Variants in INSL6 observed in about 807,000 individuals in gnomAD.
The protein encoded by INSL6 is insulin like 6.
In INSL6, 16 loss-of-function variants were observed where a neutral mutation model predicts 9.4. The observed-to-expected ratio is 1.70, with a 90% CI of 1.15 to 2.59. The LOEUF is 2.59. INSL6 is among the 30% of genes most tolerant of loss of function. INSL6 has a pLI of 0.00. For missense variants in INSL6, 391 were observed against 257.3 expected (o/e 1.52, Z -3.56); for synonymous variants, 154 against 96.9 (o/e 1.59, Z -3.46).
At chr9:5,064,618 A>G in the INSL6 span, among the ~76,000 whole-genome samples, 4 of 152,250 alleles carry the variant, frequency 2.6e-5, no homozygotes, top group African/African-American at 4.8e-5. Context: ...GATAACTGGT[A>G]TATTAGTCTA....
At chr9:5,153,428 G>C (rs1453337716) in intron 2 of INSL6, among the ~76,000 whole-genome samples, 1 of 152,224 alleles carries the variant, frequency 6.6e-6, no homozygotes, top group Non-Finnish European at 1.5e-5. Context: ...CCACTGGGAA[G>C]TTTGAACAGG....
chr9:5,068,562 G>T, the INSL6 span, among the ~76,000 whole-genome samples: 1 of 152,272 alleles, frequency 6.6e-6, no homozygotes, highest in East Asian at 1.9e-4. Context: ...AAGATAGCAT[G>T]AAGAATTATC....
chr9:5,164,870 C>A (rs540137240), intron 1 of INSL6, among the ~76,000 whole-genome samples: 1 of 152,270 alleles, frequency 6.6e-6, no homozygotes, highest in Non-Finnish European at 1.5e-5. Flanking sequence ...ATCCATTTAT[C>A]AATTGATGGA....
intron 2 of INSL6, among the ~76,000 whole-genome samples, chr9:5,158,307 C>T (rs1824859534): frequency 6.6e-6 from 1 of 152,056 alleles, no homozygotes; most frequent in Non-Finnish European, 1.5e-5. Context: ...ACTTCCCAAA[C>T]CTATAGAAAG....
chr9:5,086,565 C>A, the INSL6 span, among the ~76,000 whole-genome samples: 1 of 152,112 alleles, frequency 6.6e-6, no homozygotes, highest in Non-Finnish European at 1.5e-5. Flanking sequence ...TTACCTCCTG[C>A]CATTATTTTG....
At chr9:5,048,931 T>C in the INSL6 span, among the ~76,000 whole-genome samples, 1 of 152,146 alleles carries the variant, frequency 6.6e-6, no homozygotes, top group Non-Finnish European at 1.5e-5. Flanking sequence ...AAAATTGGTA[T>C]TATGTTTAGA....
At chr9:5,076,675 G>A in the INSL6 span, among the ~76,000 whole-genome samples, 1 of 152,092 alleles carries the variant, frequency 6.6e-6, no homozygotes, top group African/African-American at 2.4e-5. Context: ...TTCGAGGTAT[G>A]CCTTTATTTT....
In INSL6 at chr9:5,170,665, C is replaced by G. The variant is rs1475670316; in HGVS notation, c.290-6400G>C. On this transcript the variant is annotated intron_variant, in intron 1 of 1. Coordinates refer to ENST00000381641, the MANE Select transcript of INSL6 (RefSeq NM_007179.3). ...AAAAAGGATAAAGGGGATATCACCACTGACCCCACAGAAATACAAACAACC... is the reference window on the plus strand; with the variant it reads ...AAAAAGGATAAAGGGGATATCACCAGTGACCCCACAGAAATACAAACAACC... Among the ~76,000 whole-genome samples, 4 of 151,690 alleles carry G rather than the reference C, an allele frequency of 2.6e-5. No individual in the cohort carries two copies. The East Asian group carries it at 7.7e-4, about 29-fold the overall frequency.
chr9:5,092,646 A>G, the INSL6 span, among the ~76,000 whole-genome samples: 2 of 152,216 alleles, frequency 1.3e-5, no homozygotes, highest in East Asian at 1.9e-4. Context: ...TACCTTCTGC[A>G]TAAAGTATTA....
the INSL6 span, chr9:5,069,956 T>C: frequency 5.6e-6 from 9 of 1,604,884 alleles, 1 homozygote; most frequent in Admixed American, 1.2e-4. Flanking sequence ...TCAGAACGAA[T>C]GGTGTTTCTG....
the INSL6 span, chr9:5,066,727 CTG>C: frequency 1.9e-6 from 3 of 1,608,424 alleles, no homozygotes; most frequent in Non-Finnish European, 2.5e-6. Flanking sequence ...TCAGACTGGA[CTG>C]TATGTACTTC....
the INSL6 span, chr9:5,054,668 C>G: frequency 6.2e-7 from 1 of 1,613,292 alleles, no homozygotes; most frequent in Non-Finnish European, 8.5e-7. The surrounding 1 kb of genome is among the most constrained non-coding windows in gnomAD (Gnocchi z 4.9). Flanking sequence ...TTCAGCAATT[C>G]AGCCAATGCA....
At chr9:5,168,138 G>A (rs922542463) in intron 1 of INSL6, among the ~76,000 whole-genome samples, 3 of 152,194 alleles carry the variant, frequency 2.0e-5, no homozygotes, top group African/African-American at 4.8e-5. Context: ...GTGCAAAAAC[G>A]TTGGGAACTC....
the INSL6 span, among the ~76,000 whole-genome samples, chr9:5,060,947 T>C: frequency 1.3e-5 from 2 of 152,208 alleles, no homozygotes; most frequent in Non-Finnish European, 2.9e-5. Context: ...TGTCACCAGG[T>C]CTGAAAATAA....
intron 1 of INSL6, among the ~76,000 whole-genome samples, chr9:5,175,278 T>C (rs545648927): frequency 3.0e-4 from 46 of 152,226 alleles, no homozygotes; most frequent in Non-Finnish European, 6.2e-4. Context: ...ATATCTCACA[T>C]CAAATATGGC....
intron 2 of INSL6, among the ~76,000 whole-genome samples, chr9:5,150,190 A>C (rs1419045537): frequency 6.6e-6 from 1 of 152,244 alleles, no homozygotes; most frequent in Non-Finnish European, 1.5e-5. Context: ...GGTTTAATCA[A>C]AGAATTCATG....
intron 2 of INSL6, among the ~76,000 whole-genome samples, chr9:5,140,331 A>T (rs146603072): frequency 2.0e-3 from 303 of 152,174 alleles, no homozygotes; most frequent in South Asian, 0.013. Context: ...TAATGTACCT[A>T]ATCATAATAA....
the INSL6 span, among the ~76,000 whole-genome samples, chr9:5,052,983 AT>A: frequency 2.0e-5 from 3 of 151,688 alleles, no homozygotes; most frequent in African/African-American, 7.3e-5. Context: ...TTGTGGATGT[AT>A]TTTTTTCATT....
chr9:5,115,801 A>G, the INSL6 span, among the ~76,000 whole-genome samples: 5 of 152,210 alleles, frequency 3.3e-5, no homozygotes, highest in East Asian at 9.7e-4. Flanking sequence ...CTCAGCAAAC[A>G]CAGGAACAGA....
Sources: allele counts gnomAD v4.1 joint callset (sites outside exome capture counted in the v4.1 genomes callset), GRCh38; gene constraint gnomAD v4.1.1; non-coding constraint Gnocchi (gnomAD v3.1); transcripts MANE v1.5; gene names NCBI Gene and HGNC (gene_info 2026-07-23, HGNC 2026-07-21).